SSH1: variants seen among roughly 807,000 people sequenced by gnomAD.
The protein encoded by SSH1 is slingshot protein phosphatase 1.
In SSH1, 43 loss-of-function variants were observed where a neutral mutation model predicts 79.7. That is an observed-to-expected ratio of 0.54 (90% CI 0.42 to 0.70). The LOEUF (loss-of-function observed/expected upper bound fraction) is 0.70. Among genes scored for constraint, SSH1 ranks in the 30% least tolerant of loss-of-function variants. The pLI is 0.00. For synonymous variants in SSH1, 599 were observed against 538.3 expected, an observed-to-expected ratio of 1.11 and a Z score of -1.56; for missense variants, 1,206 against 1,358.8, an observed-to-expected ratio of 0.89 and a Z score of 1.77.
chr12:108,852,743 C>G (rs1407157157), intron 1 of SSH1, 65 bp from the exon 2 acceptor site: 4 of 1,611,594 alleles, frequency 2.5e-6, no homozygotes, highest in Non-Finnish European at 3.4e-6. Context: ...GGGCGGCAGT[C>G]TCACATTTTC....
intron 2 of SSH1, among the ~76,000 whole-genome samples, chr12:108,831,157 T>C (rs1413422026): frequency 1.3e-5 from 2 of 152,148 alleles, no homozygotes; most frequent in African/African-American, 2.4e-5. Context: ...GAAGAGGCCC[T>C]GTAAAGGGTC....
chr12:108,824,640 T>A (rs1319839784), intron 2 of SSH1, among the ~76,000 whole-genome samples: 1 of 152,014 alleles, frequency 6.6e-6, no homozygotes, highest in Non-Finnish European at 1.5e-5. Flanking sequence ...TATAACTACC[T>A]ATAACTTTAA....
intron 5 of SSH1, among the ~76,000 whole-genome samples, chr12:108,815,913 C>A (rs1037720725): frequency 6.6e-6 from 1 of 152,220 alleles, no homozygotes; most frequent in Non-Finnish European, 1.5e-5. Flanking sequence ...AAGTCTCAGT[C>A]GCTAGCATGT....
At position 108,782,758 on chromosome 12, in the gene SSH1, A is replaced by G. The variant is rs556606169; in HGVS notation, c.*5230T>C. On this transcript the variant is annotated 3_prime_UTR_variant, in exon 15 of 15. Transcript: ENST00000326495. ...ACACACACTATATACAATACACACC[A>G]ACAGAAGTAAAAAAAAAGTGCATTC... The G allele has an allele frequency of 6.6e-6, 1 of 152,306 alleles. No homozygotes were observed. Among genetic ancestry groups the G allele is most frequent in the African/African-American group, 2.4e-5 (1 of 41,566 alleles). 9.4% of individuals were successfully genotyped at this position (152,306 alleles called of 1,614,324 possible). A position where few individuals can be genotyped will look rare whatever the true frequency, so the allele number is the denominator to read the frequency against.
chr12:108,814,025 A>T (rs935942456), intron 5 of SSH1, among the ~76,000 whole-genome samples: 2 of 152,082 alleles, frequency 1.3e-5, no homozygotes, highest in Non-Finnish European at 2.9e-5. Flanking sequence ...GTAGTTCGAG[A>T]CCAGCCTGGC....
intron 1 of SSH1, 105 bp from the exon 2 acceptor site, chr12:108,852,783 T>C (rs1484474203): frequency 1.2e-6 from 2 of 1,600,158 alleles, no homozygotes; most frequent in Non-Finnish European, 1.7e-6. Flanking sequence ...GATAAAGATA[T>C]CCAGGAAACC....
At chr12:108,812,910 T>A (rs1359101260) in intron 5 of SSH1, among the ~76,000 whole-genome samples, 5 of 151,198 alleles carry the variant, frequency 3.3e-5, no homozygotes, top group Non-Finnish European at 4.4e-5. Context: ...TTGCCCAGGC[T>A]GGAATACAGT....
intron 2 of SSH1, among the ~76,000 whole-genome samples, chr12:108,831,051 A>G (rs570789274): frequency 6.6e-6 from 1 of 152,330 alleles, no homozygotes; most frequent in Admixed American, 6.5e-5. Context: ...GCATTATTAC[A>G]CTAATTTATG....
intron 14 of SSH1, 181 bp downstream of exon 14, chr12:108,792,105 C>T (rs769051544): frequency 3.9e-5 from 58 of 1,471,144 alleles, no homozygotes; most frequent in Non-Finnish European, 2.5e-5. Context: ...CAGAATCACC[C>T]TGTGAAAGAA....
intron 6 of SSH1, 137 bp downstream of exon 6, chr12:108,811,123 A>G (rs1316182534): frequency 1.2e-5 from 10 of 823,726 alleles, no homozygotes; most frequent in Non-Finnish European, 1.9e-5. Flanking sequence ...CTCGAGGGCA[A>G]TATGATTTCT....
intron 3 of SSH1, among the ~76,000 whole-genome samples, chr12:108,819,746 T>G (rs917013752): frequency 2.6e-5 from 4 of 152,156 alleles, no homozygotes; most frequent in African/African-American, 9.7e-5. Flanking sequence ...GGAGGATCGC[T>G]GGAGCCCAGG....
chr12:108,796,036 C>T (rs2036737604), intron 13 of SSH1, among the ~76,000 whole-genome samples: 1 of 152,066 alleles, frequency 6.6e-6, no homozygotes, highest in South Asian at 2.1e-4. Flanking sequence ...CCGCCTCAGC[C>T]TTCCAAGTAG....
chr12:108,809,898 G>A (rs907392013), intron 6 of SSH1, 140 bp from the exon 7 acceptor site: 15 of 754,708 alleles, frequency 2.0e-5, no homozygotes, highest in East Asian at 7.6e-5. Flanking sequence ...GGGATTTTAC[G>A]GAACCCGCTT....
At chr12:108,812,864 C>CTT (rs11320530) in intron 5 of SSH1, among the ~76,000 whole-genome samples, 3 of 137,898 alleles carry the variant, frequency 2.2e-5, no homozygotes, top group Admixed American at 7.1e-5. Flanking sequence ...TTTTTCTTTT[C>CTT]TTTTTTTTTT....
At chr12:108,823,161 A>C in intron 3 of SSH1, 97 bp downstream of exon 3, 1 of 1,184,614 alleles carries the variant, frequency 8.4e-7, no homozygotes, top group South Asian at 1.3e-5. Flanking sequence ...CACTATGTCT[A>C]AGGCCTTCAA....
chr12:108,792,490 G>A lies in SSH1; in HGVS notation c.1689C>T (p.Leu563=). The change falls in exon 14 of 15, where the codon CTC becomes CTT. Residue 563 remains leucine (L), a synonymous_variant. Transcript: ENST00000326495. ...GTTTCTTCTTCACATCCTTCTCACA[G>A]AGTCCGGAACCTTGCTGGGGCTGTC... ...PARQPQQGSG[L]CEKDVKKKLE... is the part of the protein sequence containing the mutation. 1 of 1,614,178 alleles carries A rather than the reference G, an allele frequency of 6.2e-7. No individual in the cohort carries two copies. The highest frequency in any genetic ancestry group is 8.5e-7 in the Non-Finnish European group (1 of 1,180,038).
intron 2 of SSH1, among the ~76,000 whole-genome samples, chr12:108,829,806 A>G (rs865809980): frequency 6.6e-6 from 1 of 152,170 alleles, no homozygotes; most frequent in Non-Finnish European, 1.5e-5. Flanking sequence ...CTACTTTTTT[A>G]AAAAGTTCCA....
chr12:108,838,159 C>T (rs1279359168), intron 2 of SSH1, among the ~76,000 whole-genome samples: 6 of 152,158 alleles, frequency 3.9e-5, no homozygotes, highest in African/African-American at 1.2e-4. Context: ...TTTTCTTTAT[C>T]GGTAGGTAAT....
rs772255977 is a variant in SSH1 at position 108,788,318 on chromosome 12, G to A, written c.2820C>T (p.Ser940=). ...SNLTRSSSSD[S]IHSVRGKPGL... ...CGGGCTTCCCACGGACACTGTGGAT[G>A]CTATCGCTGCTGGAGCTCCGGGTCA... Residue 940 remains serine (S), a synonymous_variant, in exon 15 of 15, where the codon AGC becomes AGT. Coordinates refer to ENST00000326495, the MANE Select transcript of SSH1 (RefSeq NM_018984.4). 60 of 1,613,310 alleles carry A rather than the reference G, an allele frequency of 3.7e-5. No homozygotes were observed. Among genetic ancestry groups the A allele is most frequent in the Non-Finnish European group, 4.7e-5 (56 of 1,179,958 alleles).
Sources: allele counts gnomAD v4.1 joint callset (sites outside exome capture counted in the v4.1 genomes callset), GRCh38; gene constraint gnomAD v4.1.1; transcripts MANE v1.5; gene names NCBI Gene and HGNC (gene_info 2026-07-23, HGNC 2026-07-21).